EVC: variants seen among roughly 807,000 people sequenced by gnomAD.
EVC encodes EvC ciliary complex subunit 1.
In EVC, 116 loss-of-function variants were observed where a neutral mutation model predicts 118.9. That is an observed-to-expected ratio of 0.98 (90% confidence interval 0.84 to 1.14). The LOEUF is 1.14. EVC is among the 50% of genes most tolerant of loss of function. The pLI is 0.00. For synonymous variants in EVC, 619 were observed against 534.7 expected (o/e 1.16, Z -2.18); for missense variants, 1,401 against 1,246.4 (o/e 1.12, Z -1.87).
chr4:5,824,789 CAA>C, the EVC span: 33,538 of 985,242 alleles, frequency 0.034, 1,842 homozygotes, highest in African/African-American at 0.23. Context: ...TGCAACGCCT[CAA>C]AGAGTTTGCA....
intron 12 of EVC, among the ~76,000 whole-genome samples, chr4:5,786,256 G>GTA (rs1279635928): frequency 6.6e-6 from 1 of 152,188 alleles, no homozygotes; most frequent in Non-Finnish European, 1.5e-5. Flanking sequence ...TCATTTAATG[G>GTA]TATTGATAGT....
chr4:5,728,832 G>A (rs1034238258), intron 2 of EVC, among the ~76,000 whole-genome samples: 1 of 152,170 alleles, frequency 6.6e-6, no homozygotes, highest in Non-Finnish European at 1.5e-5. Flanking sequence ...TTGTTAATTA[G>A]TCTTAAGTTA....
chr4:5,796,372 A>G (rs1392635648), intron 13 of EVC, among the ~76,000 whole-genome samples: 2 of 152,142 alleles, frequency 1.3e-5, no homozygotes, highest in African/African-American at 4.8e-5. Flanking sequence ...GAAATTGTAG[A>G]TAATTTAAGA....
chr4:5,719,870 C>G lies in EVC; in HGVS notation c.300+497C>G, dbSNP rs1259047956. Among the ~76,000 whole-genome samples, 1 of 152,182 alleles carries G rather than the reference C, an allele frequency of 6.6e-6. No individual in the cohort carries two copies. The highest frequency in any genetic ancestry group is 1.5e-5 in the Non-Finnish European group (1 of 68,040). On this transcript the variant is annotated intron_variant, in intron 2 of 20. Coordinates refer to ENST00000264956, the MANE Select transcript of EVC (RefSeq NM_153717.3). The surrounding 1 kb of genome is among the most constrained non-coding windows in gnomAD (Gnocchi z 4.7). The stretch of plus-strand genomic sequence containing the variant: ...TGTGCCACACTTTGTTGATTGCTCA[C>G]TGTTTGTGTGTATTTCATTGGCAGA...
rs185449500 is a variant in EVC at position 5,738,338 on chromosome 4, T to A, written c.703-3378T>A. 6.6e-6 allele frequency among the ~76,000 whole-genome samples: 1 copy of A among 152,330 alleles called. No homozygotes were observed. The highest frequency in any genetic ancestry group is 1.5e-5 in the Non-Finnish European group (1 of 68,034). Reference sequence around the variant, plus strand: ...ATGACAAAAAGGATTTAGAATACTATGTAAACTTATTTGATAAAGCAGCTG... The same window carrying A: ...ATGACAAAAAGGATTTAGAATACTAAGTAAACTTATTTGATAAAGCAGCTG... On this transcript the variant is annotated intron_variant, in intron 5 of 20. Coordinates refer to ENST00000264956, the MANE Select transcript of EVC (RefSeq NM_153717.3). The surrounding 1 kb of genome is among the most constrained non-coding windows in gnomAD (Gnocchi z 6.5).
rs535114213 is a variant in EVC, at chr4:5,766,796, T to C, written c.1563+10434T>C. Among the ~76,000 whole-genome samples, 106 of 139,504 alleles carry C rather than the reference T, an allele frequency of 7.6e-4. 1 individual carries two copies. The highest frequency in any genetic ancestry group is 7.7e-4 in the Non-Finnish European group (50 of 64,704). 91.5% of individuals were successfully genotyped at this position (139,504 alleles called of 152,430 possible). On this transcript the variant is annotated intron_variant, in intron 11 of 20. Transcript: ENST00000264956. ...TTCTCTGTATTGGTTATTCTAGTTA[T>C]ACATTCATCTAAATTTTTTTCAAAG...
In EVC at chr4:5,789,400, C is replaced by T. The variant is rs1712336263; in HGVS notation, c.1777-4208C>T. 6.6e-6 allele frequency among the ~76,000 whole-genome samples: 1 copy of T among 152,182 alleles called. No individual in the cohort carries two copies. The highest frequency in any genetic ancestry group is 2.1e-4 in the South Asian group (1 of 4,828). On this transcript the variant is annotated intron_variant, in intron 12 of 20. Coordinates refer to ENST00000264956, the MANE Select transcript of EVC (RefSeq NM_153717.3). The surrounding 1 kb of genome is among the most constrained non-coding windows in gnomAD (Gnocchi z 4.3). ...GCTCCTGGTCTTTGCTCCATGTCAC[C>T]TTCACAGCAAGGCCTACTCTGACCA... is the stretch of plus-strand genomic sequence containing the variant.
chr4:5,799,047 C>T (rs1052917035), intron 15 of EVC, among the ~76,000 whole-genome samples: 11 of 152,186 alleles, frequency 7.2e-5, no homozygotes, highest in African/African-American at 2.4e-4. Flanking sequence ...TGAGCACTGG[C>T]TCTGTCTTCC....
At position 5,811,217 on chromosome 4, in the gene EVC, A is replaced by G; in HGVS notation, c.*180A>G. 2 of 607,734 alleles carry G rather than the reference A, an allele frequency of 3.3e-6. No individual in the cohort carries two copies. The highest frequency in any genetic ancestry group is 3.8e-5 in the South Asian group (2 of 52,594). 37.6% of individuals were successfully genotyped at this position (607,734 alleles called of 1,614,324 possible). The stretch of plus-strand genomic sequence containing the variant: ...TAAAAGCATAAATGAGTATCACCTG[A>G]GAAAATTAGGCATTCCCGTCTTGGA... On this transcript the variant is annotated 3_prime_UTR_variant, in exon 21 of 21. Coordinates refer to ENST00000264956, the MANE Select transcript of EVC (RefSeq NM_153717.3).
At chr4:5,782,433 G>A (rs9992164) in intron 11 of EVC, among the ~76,000 whole-genome samples, 145 of 107,236 alleles carry the variant, frequency 1.4e-3, no homozygotes, top group African/African-American at 5.3e-3. Flanking sequence ...TCTCTCTGTC[G>A]CCCAGGCTGG....
chr4:5,711,334 T>C lies in EVC; in HGVS notation c.-47T>C. 1.0e-6 allele frequency: 1 copy of C among 1,004,602 alleles called. No homozygotes were observed. The highest frequency in any genetic ancestry group is 1.2e-6 in the Non-Finnish European group (1 of 842,894). The allele number at this position is 1,004,602 out of a possible 1,614,324, so 62.2% of individuals were successfully genotyped here. ...CGCGTCGCCGCCCTGGCGGGGACGG[T>C]GCAGCAGGCGGCGGGATGCGGCGGG... On this transcript the variant is annotated 5_prime_UTR_variant, in exon 1 of 21. Transcript: ENST00000264956.
intron 1 of EVC, among the ~76,000 whole-genome samples, chr4:5,711,842 AGGGT>A (rs1402343931): frequency 2.6e-5 from 4 of 152,148 alleles, no homozygotes; most frequent in Non-Finnish European, 1.5e-5. Flanking sequence ...TGCAGCACCA[AGGGT>A]TTGGACAGGA....
intron 7 of EVC, 126 bp from the exon 8 acceptor site, chr4:5,748,022 A>G: frequency 9.3e-7 from 1 of 1,074,062 alleles, no homozygotes; most frequent in Non-Finnish European, 1.4e-6. Context: ...AACTCACTGA[A>G]ACTGTAGAAT....
chr4:5,744,003 C>T (rs1006470973), intron 6 of EVC, among the ~76,000 whole-genome samples: 1 of 152,196 alleles, frequency 6.6e-6, no homozygotes. Flanking sequence ...AATTCCATCT[C>T]TACGAGTTAA....
At chr4:5,821,414 G>T in the EVC span, 1 of 302,970 alleles carries the variant, frequency 3.3e-6, no homozygotes, top group East Asian at 5.6e-5. The surrounding 1 kb of genome is among the most constrained non-coding windows in gnomAD (Gnocchi z 4.4). Context: ...ACATCTACAG[G>T]GTGCAAAGGA....
At chr4:5,782,985 A>T (rs1487081882) in intron 11 of EVC, among the ~76,000 whole-genome samples, 1 of 151,898 alleles carries the variant, frequency 6.6e-6, no homozygotes, top group Non-Finnish European at 1.5e-5. Context: ...CTTGGCAAGG[A>T]GAGCAGATGT....
intron 11 of EVC, among the ~76,000 whole-genome samples, chr4:5,763,971 T>C (rs1173613072): frequency 0.013 from 1,873 of 143,396 alleles, 65 homozygotes; most frequent in African/African-American, 0.047. Context: ...GGCATCCCTG[T>C]CTTGTGCCAG....
At chr4:5,827,414 C>T in the EVC span, among the ~76,000 whole-genome samples, 1 of 152,206 alleles carries the variant, frequency 6.6e-6, no homozygotes, top group African/African-American at 2.4e-5. Flanking sequence ...GTGTCTTTGA[C>T]CTGGTGCTAC....
chr4:5,724,917 C>A (rs1338654246), intron 2 of EVC, among the ~76,000 whole-genome samples: 1 of 152,040 alleles, frequency 6.6e-6, no homozygotes, highest in African/African-American at 2.4e-5. Flanking sequence ...GTTCCCCCAA[C>A]CCAATGTGTC....
Sources: gnomAD v4.1 joint callset for allele counts (sites outside exome capture counted in the v4.1 genomes callset) on GRCh38, gnomAD v4.1.1 for gene constraint, Gnocchi (gnomAD v3.1) non-coding constraint, MANE v1.5 for transcripts, NCBI Gene and HGNC (gene_info 2026-07-23, HGNC 2026-07-21) for gene names.